FAM234A: variants seen among roughly 807,000 people sequenced by gnomAD.
FAM234A encodes the protein protein FAM234A.
Under a neutral mutation model 49.1 loss-of-function variants are expected in FAM234A, and 42 were observed. The observed-to-expected ratio is 0.86, with a 90% CI of 0.67 to 1.11. The LOEUF is 1.11. Among genes scored for constraint, FAM234A ranks in the 50% least tolerant of loss-of-function variants. The pLI, the probability that FAM234A is intolerant of heterozygous loss-of-function variation, is 0.00. For synonymous variants in FAM234A, 369 were observed against 316.2 expected (o/e 1.17, Z -1.77); for missense variants, 815 against 745.2 (o/e 1.09, Z -1.09).
intron 3 of FAM234A, among the ~76,000 whole-genome samples, chr16:255,239 C>G (rs1173633643): frequency 6.6e-6 from 1 of 152,192 alleles, no homozygotes; most frequent in Non-Finnish European, 1.5e-5. Context: ...ATCCTCCTCC[C>G]TCGGCCTCCC....
Position 238,746 on chromosome 16 carries a change from A to G in FAM234A, c.-140+3889A>G, listed in dbSNP as rs543287475. On this transcript the variant is annotated intron_variant, in intron 1 of 12. Coordinates refer to ENST00000399932, the MANE Select transcript of FAM234A (RefSeq NM_032039.4). ...GTGCCACTGCACTCCAGCCTGGGCG[A>G]CAGAGTGAGACTCCGTCTCAAAAAA... is the stretch of plus-strand genomic sequence containing the variant. Among the ~76,000 whole-genome samples, 56 of 135,136 alleles carry G rather than the reference A, an allele frequency of 4.1e-4. No individual in the cohort carries two copies. The South Asian group carries it at 0.011, about 27-fold the overall frequency. The allele number at this position is 135,136 out of a possible 152,430, so 88.7% of individuals were successfully genotyped here.
intron 1 of FAM234A, among the ~76,000 whole-genome samples, chr16:249,171 C>T (rs894500856): frequency 1.3e-5 from 2 of 151,980 alleles, no homozygotes; most frequent in Non-Finnish European, 2.9e-5. Context: ...GAGGCCCTTT[C>T]CCCTTTGCCT....
intron 1 of FAM234A, among the ~76,000 whole-genome samples, chr16:236,403 T>C (rs2142171201): frequency 6.6e-6 from 1 of 151,588 alleles, no homozygotes; most frequent in East Asian, 2.0e-4. Context: ...GGTAGGCGGA[T>C]CACTAGGTCA....
rs555837033 is a variant in FAM234A at position 243,470 on chromosome 16, C to T, written c.-139-6079C>T. On this transcript the variant is annotated intron_variant, in intron 1 of 12. Coordinates refer to ENST00000399932, the MANE Select transcript of FAM234A (RefSeq NM_032039.4). ...AGTCAGGTTCCTGAAGCTCTGGCTA[C>T]GGCTCCTGGTATTTTTAATGACCGC... 9.2e-5 allele frequency among the ~76,000 whole-genome samples: 14 copies of T among 152,206 alleles called. No homozygotes were observed. The South Asian group carries it at 1.2e-3, about 14-fold the overall frequency.
At position 257,711 on chromosome 16, in the gene FAM234A, C is replaced by T. The variant is rs1206828369; in HGVS notation, c.269-1772C>T. ...CGTAAAGATTCAACTTCATGCTGGG[C>T]GCAGTGGCTCACACCTGTAATTCCA... On this transcript the variant is annotated intron_variant, in intron 3 of 12. Coordinates refer to ENST00000399932, the MANE Select transcript of FAM234A (RefSeq NM_032039.4). Among the ~76,000 whole-genome samples the T allele has an allele frequency of 3.9e-5, 6 of 151,908 alleles. No individual in the cohort carries two copies. In the South Asian group the frequency reaches 6.2e-4, roughly 16 times the overall value.
intron 5 of FAM234A, chr16:261,118 A>G (rs1391735342): frequency 2.6e-6 from 1 of 381,068 alleles, no homozygotes; most frequent in Non-Finnish European, 4.9e-6. Flanking sequence ...GGTTCCCAGG[A>G]ATGAGGCTGT....
chr16:264,189 G>C lies in FAM234A; in HGVS notation c.1344+18G>C, dbSNP rs537717641. On this transcript the variant is annotated intron_variant, in intron 11 of 12. Coordinates refer to ENST00000399932, the MANE Select transcript of FAM234A (RefSeq NM_032039.4). The stretch of plus-strand genomic sequence containing the variant: ...GCGAGACGGTACGGGAGCCACCCTC[G>C]GAGCAGCCATGCTGGGAGCCGGGGC... The C allele has an allele frequency of 6.3e-7, 1 of 1,583,464 alleles. No homozygotes were observed. Among genetic ancestry groups the C allele is most frequent in the Non-Finnish European group, 8.5e-7 (1 of 1,170,668 alleles).
At chr16:269,827 A>G (rs967807916), downstream of FAM234A, 1 of 502,688 alleles carries the variant, frequency 2.0e-6, no homozygotes, top group Non-Finnish European at 3.5e-6. Context: ...GGCCACGTGT[A>G]GAGGAATAAA....
intron 1 of FAM234A, among the ~76,000 whole-genome samples, chr16:239,811 A>G (rs1157584268): frequency 6.6e-6 from 1 of 152,062 alleles, no homozygotes; most frequent in East Asian, 1.9e-4. Context: ...GTACTGTAAA[A>G]GTTTTTCAGT....
In FAM234A at chr16:264,968, T is replaced by C. The variant is rs1348776379; in HGVS notation, c.1605T>C (p.Ser535=). 6.2e-7 allele frequency: 1 copy of C among 1,612,296 alleles called. No homozygotes were observed. Among genetic ancestry groups the C allele is most frequent in the Admixed American group, 1.7e-5 (1 of 59,944 alleles). ...VVRLGEGGPD[S]DQAIRDRFSR... ...GCCTGGGTGAGGGTGGGCCAGACAG[T>C]GACCAAGCCATCAGGGACCGGTTCT... The change falls in exon 13 of 13, where the codon AGT becomes AGC. Residue 535 remains serine, a synonymous_variant. Coordinates refer to ENST00000399932, the MANE Select transcript of FAM234A (RefSeq NM_032039.4).
intron 1 of FAM234A, among the ~76,000 whole-genome samples, chr16:244,820 T>C (rs2050748687): frequency 1.3e-5 from 2 of 151,202 alleles, no homozygotes; most frequent in Admixed American, 1.3e-4. Flanking sequence ...CCCGAGTAGC[T>C]GGGATTACAG....
At chr16:249,419 G>T (rs929066876) in intron 1 of FAM234A, 130 bp from the exon 2 acceptor site, 3 of 152,004 alleles carry the variant, frequency 2.0e-5, no homozygotes, top group African/African-American at 7.3e-5. Context: ...TCAGGATTGC[G>T]AAAGCACCCA....
chr16:243,763 T>C (rs2050697832), intron 1 of FAM234A, among the ~76,000 whole-genome samples: 1 of 152,168 alleles, frequency 6.6e-6, no homozygotes, highest in African/African-American at 2.4e-5. Flanking sequence ...ACACACCCCT[T>C]TTCTGTGGCC....
Position 263,262 on chromosome 16 carries a change from C to T in FAM234A, c.972C>T (p.Ser324=), listed in dbSNP as rs199764048. 142 of 1,612,458 alleles carry T rather than the reference C, an allele frequency of 8.8e-5. No individual in the cohort carries two copies. The highest frequency in any genetic ancestry group is 7.7e-4 in the Admixed American group (46 of 60,026). Residue 324 remains serine, a splice_region_variant and synonymous_variant, in exon 9 of 13, where the codon AGC becomes AGT. Coordinates refer to ENST00000399932, the MANE Select transcript of FAM234A (RefSeq NM_032039.4). ...NATTRRMLSH[S]SGAVRYLMHV... is the part of the protein sequence containing the mutation. ...CCCTTTCTCCCACTCTCCTGTCTAG[C>T]TCTGGAGCAGTGCGCTACCTGATGC...
At chr16:248,952 T>C (rs2050906327) in intron 1 of FAM234A, among the ~76,000 whole-genome samples, 1 of 151,970 alleles carries the variant, frequency 6.6e-6, no homozygotes, top group Non-Finnish European at 1.5e-5. Context: ...TATTACTGAT[T>C]TTTTAAAATT....
rs942003399 is a variant in FAM234A, at chr16:265,709, C to T, written c.*687C>T. 1.1e-5 allele frequency: 11 copies of T among 985,396 alleles called. No individual in the cohort carries two copies. The highest frequency in any genetic ancestry group is 5.2e-4 in the Middle Eastern group (1 of 1,936). 61.0% of individuals were successfully genotyped at this position (985,396 alleles called of 1,614,324 possible). ...CCTGCTCTGGAGCTGAGCCCGTGGC[C>T]GCTCACAGGTGTCCTTAGTGGTGTT... On this transcript the variant is annotated 3_prime_UTR_variant, in exon 13 of 13. Coordinates refer to ENST00000399932, the MANE Select transcript of FAM234A (RefSeq NM_032039.4).
At chr16:241,289 T>C in intron 1 of FAM234A, among the ~76,000 whole-genome samples, 1 of 140,844 alleles carries the variant, frequency 7.1e-6, no homozygotes, top group East Asian at 2.1e-4. Context: ...AAAAAAAAGC[T>C]GTCTGCTTCA....
chr16:268,700 G>A (rs2051782432), downstream of FAM234A: 1 of 1,462,288 alleles, frequency 6.8e-7, no homozygotes, highest in Non-Finnish European at 9.3e-7. Context: ...TTTGGCGAGG[G>A]AGGAATAGGC....
chr16:268,751 G>T (rs549474512), downstream of FAM234A: 2 of 1,545,976 alleles, frequency 1.3e-6, no homozygotes, highest in East Asian at 2.4e-5. Flanking sequence ...GCCTCAGCAC[G>T]GCACTCTCTT....
Sources: gnomAD v4.1 joint callset for allele counts (sites outside exome capture counted in the v4.1 genomes callset) on GRCh38, gnomAD v4.1.1 for gene constraint, MANE v1.5 for transcripts, NCBI Gene and HGNC (gene_info 2026-07-23, HGNC 2026-07-21) for gene names.